Variants in VPS13C observed in about 807,000 individuals in gnomAD.
VPS13C encodes vacuolar protein sorting 13 homolog C, also known as intermembrane lipid transfer protein VPS13C.
VPS13C carries 358 observed loss-of-function variants against 456.8 expected under a neutral mutation model. The observed-to-expected ratio is 0.78, with a 90% CI of 0.72 to 0.86. VPS13C has a LOEUF of 0.86. Ranked by LOEUF, VPS13C falls within the 40% of genes least tolerant of loss-of-function variation. The pLI is 0.00. For synonymous variants in VPS13C, 1,578 were observed against 1,486.7 expected (o/e 1.06, Z -1.41); for missense variants, 4,818 against 4,385.4 (o/e 1.10, Z -2.79).
rs2045220293 is a variant in VPS13C at position 61,961,879 on chromosome 15, A to G, written c.3618T>C (p.Asn1206=). Residue 1206 remains asparagine (N), a synonymous_variant, in exon 35 of 85, where the codon AAT becomes AAC. Coordinates refer to ENST00000644861, the MANE Select transcript of VPS13C (RefSeq NM_020821.3). ...FLMSLLNFLN[N]FQTAKESLSA... The stretch of plus-strand genomic sequence containing the variant: ...TCAGAGACTCTTTGGCTGTCTGGAA[A>G]TTATTCAGGAAGTTCTGTGGACACA... 2.5e-6 allele frequency: 4 copies of G among 1,611,350 alleles called. No individual in the cohort carries two copies. The highest frequency in any genetic ancestry group is 3.4e-6 in the Non-Finnish European group (4 of 1,178,906).
rs1387858329 is a variant in VPS13C at position 61,919,457 on chromosome 15, A to G, written c.7478-8T>C. ...CTGTATATCCATGAGGTACTAAGGC[A>G]GTGCATAAGTGAAAAGAATTCCAAA... On this transcript the variant is annotated splice_polypyrimidine_tract_variant and splice_region_variant and intron_variant, in intron 57 of 84. Coordinates refer to ENST00000644861, the MANE Select transcript of VPS13C (RefSeq NM_020821.3). The G allele has an allele frequency of 1.3e-6, 2 of 1,488,836 alleles. No homozygotes were observed. The highest frequency in any genetic ancestry group is 2.6e-5 in the East Asian group (1 of 38,284). The allele number at this position is 1,488,836 out of a possible 1,614,324, so 92.2% of individuals were successfully genotyped here. A position where few individuals can be genotyped will look rare whatever the true frequency, so the allele number is the denominator to read the frequency against.
chr15:62,048,177 C>T (rs1423337753), intron 1 of VPS13C, among the ~76,000 whole-genome samples: 3 of 149,422 alleles, frequency 2.0e-5, no homozygotes, highest in Non-Finnish European at 4.4e-5. Flanking sequence ...CATATGTATA[C>T]ATGTGCCATG....
intron 16 of VPS13C, among the ~76,000 whole-genome samples, chr15:61,999,133 C>A (rs1478525453): frequency 6.6e-6 from 1 of 152,112 alleles, no homozygotes; most frequent in East Asian, 1.9e-4. Flanking sequence ...AATCCCAGCA[C>A]TTTGGGAGGC....
intron 25 of VPS13C, 49 bp downstream of exon 25, chr15:61,974,239 G>GA (rs776634203): frequency 5.8e-6 from 9 of 1,547,752 alleles, no homozygotes; most frequent in Non-Finnish European, 7.0e-6. Flanking sequence ...TTTCATCACT[G>GA]CTCTAAAACA....
At chr15:61,930,619 C>T (rs2044023460) in intron 50 of VPS13C, among the ~76,000 whole-genome samples, 1 of 152,144 alleles carries the variant, frequency 6.6e-6, no homozygotes, top group African/African-American at 2.4e-5. Flanking sequence ...ATATAACTCA[C>T]CCTTTCAAAA....
intron 48 of VPS13C, among the ~76,000 whole-genome samples, chr15:61,934,612 C>G (rs2044164273): frequency 6.6e-6 from 1 of 152,050 alleles, no homozygotes; most frequent in Non-Finnish European, 1.5e-5. Flanking sequence ...AAGGCACTGA[C>G]ACCTAACTGG....
chr15:62,029,127 T>G (rs2047730843), intron 5 of VPS13C, among the ~76,000 whole-genome samples: 1 of 152,248 alleles, frequency 6.6e-6, no homozygotes, highest in South Asian at 2.1e-4. Context: ...ATTCTAGCTC[T>G]ACTATTTTCT....
At chr15:62,019,353 C>T (rs1460798394) in intron 9 of VPS13C, among the ~76,000 whole-genome samples, 1 of 152,062 alleles carries the variant, frequency 6.6e-6, no homozygotes, top group African/African-American at 2.4e-5. Context: ...TTTGCTCTTG[C>T]TGCTCTAGTT....
At chr15:61,919,250 G>A in intron 58 of VPS13C, 39 bp downstream of exon 58, 1 of 1,555,034 alleles carries the variant, frequency 6.4e-7, no homozygotes, top group Non-Finnish European at 8.7e-7. Context: ...ACCATTTCTT[G>A]GTACACTGAA....
At chr15:61,878,848 T>C (rs1160565623) in intron 73 of VPS13C, 102 bp from the exon 74 acceptor site, 1 of 1,235,796 alleles carries the variant, frequency 8.1e-7, no homozygotes, top group Non-Finnish European at 1.1e-6. Flanking sequence ...GTCTTTCGAT[T>C]AGAGTCCTAG....
At chr15:61,973,555 T>C in intron 25 of VPS13C, 23 bp from the exon 26 acceptor site, 2 of 1,588,644 alleles carry the variant, frequency 1.3e-6, no homozygotes, top group Non-Finnish European at 1.7e-6. Flanking sequence ...ACAAAAAGTT[T>C]TCTTAAAAAG....
chr15:62,023,953 A>G, intron 6 of VPS13C, 108 bp from the exon 7 acceptor site: 1 of 843,670 alleles, frequency 1.2e-6, no homozygotes, highest in Non-Finnish European at 1.8e-6. Context: ...TTTTGGCACA[A>G]CTCACCTTAC....
intron 38 of VPS13C, among the ~76,000 whole-genome samples, chr15:61,952,349 C>G (rs928861043): frequency 7.9e-5 from 12 of 152,144 alleles, no homozygotes; most frequent in Non-Finnish European, 1.6e-4. Flanking sequence ...ATTCTCCCCC[C>G]AGATAATGGC....
Position 61,983,936 on chromosome 15 carries a change from T to A in VPS13C, c.1798A>T (p.Ile600Phe). The part of the protein sequence containing the change: ...QDIVPSLVAS[I>F]GDTTSSLLKI... Reference sequence around the variant, plus strand: ...AGCAAGGATGATGTAGTGTCACCAATTGAAGCCACAAGTGATGGCACAATA... The same window carrying A: ...AGCAAGGATGATGTAGTGTCACCAAATGAAGCCACAAGTGATGGCACAATA... Residue 600 changes from isoleucine (I) to phenylalanine (F), a missense_variant, in exon 20 of 85, where the codon ATT (isoleucine) becomes TTT (phenylalanine). Ile to Phe is a conservative substitution (Grantham distance 21). Transcript: ENST00000644861. The A allele has an allele frequency of 6.2e-7, 1 of 1,614,162 alleles. No homozygotes were observed.
At chr15:61,881,047 T>A in intron 71 of VPS13C, 93 bp from the exon 72 acceptor site, 1 of 1,008,106 alleles carries the variant, frequency 9.9e-7, no homozygotes, top group Non-Finnish European at 1.4e-6. Flanking sequence ...GCCACAGTTA[T>A]ATCTTGTTCC....
At chr15:61,957,499 T>C (rs2045044588) in intron 37 of VPS13C, among the ~76,000 whole-genome samples, 1 of 152,156 alleles carries the variant, frequency 6.6e-6, no homozygotes. Context: ...TACAATGGCA[T>C]ACCGGTTTTC....
chr15:62,048,629 T>C (rs1208843570), intron 1 of VPS13C, among the ~76,000 whole-genome samples: 4 of 152,260 alleles, frequency 2.6e-5, no homozygotes, highest in Non-Finnish European at 5.9e-5. Context: ...AGTAATGGGA[T>C]GGCTGGGTCA....
intron 53 of VPS13C, among the ~76,000 whole-genome samples, chr15:61,924,402 A>G (rs1406623315): frequency 1.3e-5 from 2 of 152,104 alleles, no homozygotes; most frequent in Admixed American, 1.3e-4. Context: ...GTAATCACTG[A>G]TTTCTTTCTT....
chr15:62,055,075 A>T (rs4775455), intron 1 of VPS13C, among the ~76,000 whole-genome samples: 60,147 of 152,116 alleles, frequency 0.4, 13,115 homozygotes, highest in Admixed American at 0.51. Flanking sequence ...ACTTTTAAAA[A>T]TACATAAGAA....
Sources: allele counts gnomAD v4.1 joint callset (sites outside exome capture counted in the v4.1 genomes callset), GRCh38; gene constraint gnomAD v4.1.1; transcripts MANE v1.5; gene names NCBI Gene and HGNC (gene_info 2026-07-23, HGNC 2026-07-21).